Variants in HCN2 observed in about 807,000 individuals in gnomAD.
HCN2 encodes hyperpolarization activated cyclic nucleotide gated potassium and sodium channel 2, also known as potassium/sodium hyperpolarization-activated cyclic nucleotide-gated channel 2.
In HCN2, 20 loss-of-function variants were observed where a neutral mutation model predicts 52.3. That is an observed-to-expected ratio of 0.38 (90% CI 0.27 to 0.56). HCN2 has a LOEUF of 0.56. Ranked by LOEUF, HCN2 falls within the 20% of genes least tolerant of loss-of-function variation. HCN2 has a pLI of 0.71. For synonymous variants in HCN2, 694 were observed against 537.0 expected, an observed-to-expected ratio of 1.29 and a Z score of -4.04; for missense variants, 981 against 1,207.7, an observed-to-expected ratio of 0.81 and a Z score of 2.78.
At chr19:609,666 C>A (rs543028299) in intron 4 of HCN2, among the ~76,000 whole-genome samples, 2 of 152,032 alleles carry the variant, frequency 1.3e-5, no homozygotes, top group African/African-American at 4.8e-5. Context: ...CTCAGGAGGC[C>A]GAGGTGGGAG....
intron 1 of HCN2, among the ~76,000 whole-genome samples, chr19:602,246 C>T (rs1302060141): frequency 4.9e-5 from 5 of 101,644 alleles, no homozygotes; most frequent in Non-Finnish European, 4.1e-5. Flanking sequence ...CCTGCGTGGA[C>T]GCCCCACTCC....
intron 1 of HCN2, among the ~76,000 whole-genome samples, chr19:598,706 GT>G (rs1747218731): frequency 6.6e-6 from 1 of 151,796 alleles, no homozygotes; most frequent in African/African-American, 2.4e-5. Context: ...GGTTCATGCC[GT>G]TCTCCTGCCT....
rs561622555 is a variant in HCN2 at position 592,180 on chromosome 19, G to A, written c.632+1603G>A. Among the ~76,000 whole-genome samples, 14 of 152,344 alleles carry A rather than the reference G, an allele frequency of 9.2e-5. No individual in the cohort carries two copies. In the East Asian group the frequency reaches 1.7e-3, roughly 19 times the overall value. On this transcript the variant is annotated intron_variant, in intron 1 of 7. Coordinates refer to ENST00000251287, the MANE Select transcript of HCN2 (RefSeq NM_001194.4). The surrounding 1 kb of genome is among the most constrained non-coding windows in gnomAD (Gnocchi z 4.8). The stretch of plus-strand genomic sequence containing the variant: ...AGTCGGGCAGTGGCACCCCCTGACC[G>A]GAGAGGGACGCGGTGGAGAGGGAGC...
At chr19:597,235 C>T (rs986078269) in intron 1 of HCN2, among the ~76,000 whole-genome samples, 7 of 152,224 alleles carry the variant, frequency 4.6e-5, no homozygotes, top group Admixed American at 1.3e-4. Context: ...TCTGGGGACA[C>T]AGGAGCAGAA....
rs1404563869 is a variant in HCN2 at position 617,007 on chromosome 19, C to G, written c.*533C>G. On this transcript the variant is annotated 3_prime_UTR_variant, in exon 8 of 8. Transcript: ENST00000251287. ...CCAGCACTGGCACCGAGAGGCAGGC[C>G]TGGCTGCGCAGGGCGCGGGGGGGAG... 6.0e-6 allele frequency: 3 copies of G among 496,278 alleles called. No individual in the cohort carries two copies. Among genetic ancestry groups the G allele is most frequent in the African/African-American group, 3.9e-5 (2 of 51,536 alleles). The allele number at this position is 496,278 out of a possible 1,614,324, so 30.7% of individuals were successfully genotyped here.
At position 590,007 on chromosome 19, in the gene HCN2, G is replaced by GGCCGCCGCC. The variant is rs961585316; in HGVS notation, c.75_83dup (p.Pro26_Pro28dup). ...AGCCCGGGCGCGACCCCCGCGCCGG[G>GGCCGCCGCC]GCCGCCGCCGCCGCCGCCGCCCGCG... On this transcript the variant is annotated inframe_insertion, in exon 1 of 8. Coordinates refer to ENST00000251287, the MANE Select transcript of HCN2 (RefSeq NM_001194.4). This position sits in a 1 kb window ranked among gnomAD's most constrained non-coding sequence, Gnocchi z 7.2. 116 of 640,694 alleles carry GGCCGCCGCC rather than the reference G, an allele frequency of 1.8e-4. 4 individuals are homozygous for GGCCGCCGCC. Among genetic ancestry groups the GGCCGCCGCC allele is most frequent in the Non-Finnish European group, 1.5e-4 (79 of 528,162 alleles). The allele number at this position is 640,694 out of a possible 1,614,324, so 39.7% of individuals were successfully genotyped here. A position where few individuals can be genotyped will look rare whatever the true frequency, so the allele number is the denominator to read the frequency against.
rs569413355 is a variant in HCN2, at chr19:600,962, C to T, written c.633-2582C>T. On this transcript the variant is annotated intron_variant, in intron 1 of 7. Coordinates refer to ENST00000251287, the MANE Select transcript of HCN2 (RefSeq NM_001194.4). ...TCTCACCCCTCCAACCCCCGGCCCCCGGCACCCATGCATCCCCTTCCTGTC... is the reference window on the plus strand; with the variant it reads ...TCTCACCCCTCCAACCCCCGGCCCCTGGCACCCATGCATCCCCTTCCTGTC... Among the ~76,000 whole-genome samples, 262 of 152,306 alleles carry T rather than the reference C, an allele frequency of 1.7e-3. 1 individual carries two copies. The highest frequency in any genetic ancestry group is 6.8e-3 in the Middle Eastern group (2 of 294).
chr19:608,828 C>T (rs1404504840), intron 4 of HCN2, among the ~76,000 whole-genome samples: 11 of 152,146 alleles, frequency 7.2e-5, no homozygotes, highest in Non-Finnish European at 1.3e-4. Flanking sequence ...CAGGGCCAGG[C>T]TTCAGGGAGA....
intron 2 of HCN2, 136 bp from the exon 3 acceptor site, chr19:604,925 G>T: frequency 1.1e-6 from 1 of 923,434 alleles, no homozygotes; most frequent in Admixed American, 2.5e-5. Context: ...GCAGGGTGGG[G>T]CGGGGGTCCT....
intron 7 of HCN2, among the ~76,000 whole-genome samples, chr19:615,252 G>A (rs1983844828): frequency 6.6e-6 from 1 of 152,024 alleles, no homozygotes; most frequent in Admixed American, 6.6e-5. Context: ...GCTCACGCCT[G>A]TAGTCCCAGC....
rs1299593700 is a variant in HCN2 at position 616,860 on chromosome 19, T to C, written c.*386T>C. 1 of 201,718 alleles carries C rather than the reference T, an allele frequency of 5.0e-6. No individual in the cohort carries two copies. The highest frequency in any genetic ancestry group is 1.4e-4 in the East Asian group (1 of 7,052). The allele number at this position is 201,718 out of a possible 1,614,324, so 12.5% of individuals were successfully genotyped here. A position where few individuals can be genotyped will look rare whatever the true frequency, so the allele number is the denominator to read the frequency against. On this transcript the variant is annotated 3_prime_UTR_variant, in exon 8 of 8. Transcript: ENST00000251287. Reference sequence around the variant, plus strand: ...GGCCCCCGTCCGAGGAGGATCGTTTTCTAAGTGCAATACTTGGCCCGCCGG... The same window carrying C: ...GGCCCCCGTCCGAGGAGGATCGTTTCCTAAGTGCAATACTTGGCCCGCCGG...
chr19:607,734 C>T (rs997489946), intron 3 of HCN2, among the ~76,000 whole-genome samples: 1 of 152,230 alleles, frequency 6.6e-6, no homozygotes, highest in African/African-American at 2.4e-5. Flanking sequence ...TCAGTTTCCC[C>T]AGGAGTGAAG....
At chr19:594,450 G>C (rs2144504428) in intron 1 of HCN2, among the ~76,000 whole-genome samples, 1 of 152,292 alleles carries the variant, frequency 6.6e-6, no homozygotes, top group African/African-American at 2.4e-5. Flanking sequence ...CAGCTGGGGA[G>C]GCCCCGTGTG....
intron 1 of HCN2, among the ~76,000 whole-genome samples, chr19:595,356 C>T (rs983962576): frequency 2.0e-5 from 3 of 151,902 alleles, no homozygotes; most frequent in Non-Finnish European, 2.9e-5. Flanking sequence ...CCTCCCCGTC[C>T]CCCTTTCTGG....
intron 1 of HCN2, among the ~76,000 whole-genome samples, chr19:595,860 G>A (rs955616767): frequency 2.1e-4 from 32 of 152,192 alleles, no homozygotes; most frequent in Admixed American, 4.6e-4. Context: ...ACCGACCTCC[G>A]GCCCCTAATC....
intron 1 of HCN2, 66 bp from the exon 2 acceptor site, chr19:603,478 C>T: frequency 2.2e-6 from 3 of 1,339,030 alleles, no homozygotes; most frequent in Non-Finnish European, 3.1e-6. Context: ...GGAAGAGTGC[C>T]CGGGGCTGGT....
intron 2 of HCN2, among the ~76,000 whole-genome samples, chr19:604,817 G>A: frequency 9.1e-6 from 1 of 109,968 alleles, no homozygotes; most frequent in Non-Finnish European, 1.9e-5. Flanking sequence ...GGCGGGGGCT[G>A]TGGATTTGGG....
chr19:604,535 C>A (rs1209891778), intron 2 of HCN2, among the ~76,000 whole-genome samples: 17 of 92,270 alleles, frequency 1.8e-4, no homozygotes, highest in Non-Finnish European at 4.2e-5. Flanking sequence ...TGTGAGGGTG[C>A]TGGGCGGGGT....
rs977516348 is a variant in HCN2, at chr19:602,039, G to A, written c.633-1505G>A. Among the ~76,000 whole-genome samples, 12 of 150,622 alleles carry A rather than the reference G, an allele frequency of 8.0e-5. No individual in the cohort carries two copies. In the South Asian group the frequency reaches 2.5e-3, roughly 32 times the overall value. ...TCCTCCCACCCTCTCGGCCTCCCCT[G>A]TGGCGCCAGCCCCGTCTCTGCTTGG... On this transcript the variant is annotated intron_variant, in intron 1 of 7. Transcript: ENST00000251287.
Sources: gnomAD v4.1 joint callset for allele counts (sites outside exome capture counted in the v4.1 genomes callset) on GRCh38, gnomAD v4.1.1 for gene constraint, Gnocchi (gnomAD v3.1) non-coding constraint, MANE v1.5 for transcripts, NCBI Gene and HGNC (gene_info 2026-07-23, HGNC 2026-07-21) for gene names.